LRRC37B: variants seen among roughly 807,000 people sequenced by gnomAD.
The protein encoded by LRRC37B is leucine-rich repeat-containing protein 37B.
In LRRC37B, 28 loss-of-function variants were observed where a neutral mutation model predicts 98.3. The ratio of observed to expected loss-of-function variants is 0.28; its 90% CI spans 0.21 to 0.39. The LOEUF (loss-of-function observed/expected upper bound fraction) is 0.39, where lower values mean the gene tolerates loss of function less well. LRRC37B is among the 10% of genes least tolerant of loss of function. The probability of loss-of-function intolerance (pLI) is 1.00; values close to 1 mark genes in which losing one functional copy is unlikely to be tolerated. For missense variants in LRRC37B, 938 were observed against 1,182.7 expected (o/e 0.79, Z 3.03); for synonymous variants, 364 against 442.7 (o/e 0.82, Z 2.23).
upstream of LRRC37B, among the ~76,000 whole-genome samples, chr17:32,018,571 AG>A (rs1281289402): frequency 6.6e-6 from 1 of 152,154 alleles, no homozygotes; most frequent in Non-Finnish European, 1.5e-5. Context: ...TTGTGGACAC[AG>A]GAGAGGGGTT....
Position 32,040,862 on chromosome 17 carries a change from G to A in LRRC37B, c.2205-4838G>A, listed in dbSNP as rs553963518. The A allele has an allele frequency of 2.2e-4, 183 of 833,218 alleles. No individual in the cohort carries two copies. In the African/African-American group the frequency reaches 2.3e-3, roughly 10 times the overall value. 51.6% of individuals were successfully genotyped at this position (833,218 alleles called of 1,614,324 possible). ...ACTTCATTGACCTCCTCCAGAACCT[G>A]TGTGAGAAAGACCTGAAGGGGATCC... On this transcript the variant is annotated intron_variant, in intron 7 of 11. Transcript: ENST00000327564.
chr17:32,026,337 A>G (rs1293744689), intron 2 of LRRC37B, among the ~76,000 whole-genome samples: 1 of 152,218 alleles, frequency 6.6e-6, no homozygotes, highest in Non-Finnish European at 1.5e-5. Flanking sequence ...CAATATGGTG[A>G]AACCCCATCT....
At chr17:32,020,898 G>A (rs1300590302), upstream of LRRC37B, 19 of 1,365,798 alleles carry the variant, frequency 1.4e-5, no homozygotes, top group Middle Eastern at 5.3e-4. Context: ...CCCGGTCTGC[G>A]GCCCAAATCC....
At chr17:32,050,346 A>C (rs1911717934) in intron 11 of LRRC37B, 1 of 338,336 alleles carries the variant, frequency 3.0e-6, no homozygotes. Flanking sequence ...TATTTTAAGA[A>C]GTTAAGTTGA....
chr17:32,021,419 TG>T lies in LRRC37B; in HGVS notation c.355del (p.Glu119LysfsTer7). The T allele has an allele frequency of 6.2e-7, 1 of 1,613,718 alleles. No homozygotes were observed. The highest frequency in any genetic ancestry group is 8.5e-7 in the Non-Finnish European group (1 of 1,179,824). On this transcript the variant is annotated frameshift_variant, in exon 1 of 12. Transcript: ENST00000327564. LOFTEE classifies it high-confidence loss of function. ...TGTCAGCCCTGCCTCAGGAACCAAC[TG>T]AAAATTTGGCTCCATTCCTGAAGGA...
At chr17:32,024,292 G>A (rs1910882788) in intron 1 of LRRC37B, among the ~76,000 whole-genome samples, 1 of 152,248 alleles carries the variant, frequency 6.6e-6, no homozygotes, top group African/African-American at 2.4e-5. Context: ...AGAGGGCAAA[G>A]CTTTGGTGTT....
upstream of LRRC37B, chr17:32,020,821 G>A (rs891190297): frequency 4.0e-6 from 3 of 750,346 alleles, no homozygotes; most frequent in Non-Finnish European, 5.9e-6. Flanking sequence ...GACTTCCTTG[G>A]GAAGCTCTGC....
intron 11 of LRRC37B, chr17:32,052,373 C>T (rs1181953976): frequency 6.6e-6 from 1 of 152,088 alleles, no homozygotes; most frequent in Non-Finnish European, 1.5e-5. Context: ...CAAGATCTTG[C>T]TATGTTGCCC....
intron 1 of LRRC37B, among the ~76,000 whole-genome samples, chr17:32,023,109 C>T (rs1910849102): frequency 6.6e-6 from 1 of 150,520 alleles, no homozygotes; most frequent in Admixed American, 6.7e-5. Context: ...CTCCTATTTT[C>T]GCTTCACCCT....
chr17:32,020,519 C>G (rs556185934), upstream of LRRC37B, among the ~76,000 whole-genome samples: 1 of 152,284 alleles, frequency 6.6e-6, no homozygotes, highest in African/African-American at 2.4e-5. Context: ...ATTGCCCACC[C>G]CCAACACCCC....
chr17:32,011,934 A>G (rs1317482229), intron 1 of LRRC37B, among the ~76,000 whole-genome samples: 1 of 152,184 alleles, frequency 6.6e-6, no homozygotes, highest in Non-Finnish European at 1.5e-5. Context: ...CGTATTGTTT[A>G]ATTTTCAAAC....
chr17:32,021,151 C>T lies in LRRC37B; in HGVS notation c.86C>T (p.Ser29Phe), dbSNP rs764579729. The change falls in exon 1 of 12, where the codon TCT (serine) becomes TTT (phenylalanine). Residue 29 changes from serine to phenylalanine, a missense_variant. This residue lies in a region of LRRC37B where 610 missense variants were observed against 625.6 expected (regional missense o/e 0.98). Transcript: ENST00000327564. The stretch of plus-strand genomic sequence containing the variant: ...TGCATAGCACCAGCGTGTGTCATGT[C>T]TTGGCTGCGTTTCTGGGGCCCATGG... The T allele has an allele frequency of 5.6e-6, 9 of 1,613,870 alleles. No individual in the cohort carries two copies. The South Asian group carries it at 6.6e-5, about 12-fold the overall frequency.
In LRRC37B at chr17:32,035,608, A is replaced by T. The variant is rs758806254; in HGVS notation, c.2173A>T (p.Ile725Phe). ...CATCACACTTACAACACTTAAGAACATTCTCACGATGACTGTTGAACTGGA... is the reference window on the plus strand; with the variant it reads ...CATCACACTTACAACACTTAAGAACTTTCTCACGATGACTGTTGAACTGGA... The change falls in exon 7 of 12, where the codon ATT becomes TTT. Residue 725 changes from isoleucine (I) to phenylalanine (F), a missense_variant. Ile to Phe is a conservative substitution (Grantham distance 21). Coordinates refer to ENST00000327564, the Ensembl canonical transcript of LRRC37B. The T allele has an allele frequency of 8.7e-6, 14 of 1,611,950 alleles. No homozygotes were observed. Among genetic ancestry groups the T allele is most frequent in the Non-Finnish European group, 1.2e-5 (14 of 1,178,982 alleles).
At position 32,008,201 on chromosome 17, in the gene LRRC37B, T is replaced by C. The variant is rs59722712; in HGVS notation, c.-191+69T>C. On this transcript the variant is annotated intron_variant, in intron 1 of 14. Transcript: ENST00000543378. ...TCTCCCCTCCCCCCTTGCTCACTTA[T>C]GTGCTGTGCATCCCGCTCCGATCTC... is the stretch of plus-strand genomic sequence containing the variant. The C allele has an allele frequency of 5.8e-3, 1,183 of 203,574 alleles. 13 individuals carry two copies. The highest frequency in any genetic ancestry group is 0.026 in the African/African-American group (1,123 of 42,390). 12.6% of individuals were successfully genotyped at this position (203,574 alleles called of 1,614,324 possible).
rs538784522 is a variant in LRRC37B at position 32,038,295 on chromosome 17, C to T, written c.2204+2656C>T. 5.3e-5 allele frequency among the ~76,000 whole-genome samples: 8 copies of T among 152,008 alleles called. No homozygotes were observed. The South Asian group carries it at 6.2e-4, about 12-fold the overall frequency. ...GCAATATGGTGAAACCTTGTCTCTA[C>T]CAAAAACATAAAAATTAGGCAGGTG... On this transcript the variant is annotated intron_variant, in intron 7 of 11. Transcript: ENST00000327564.
chr17:32,034,256 C>G (rs1263436709), intron 5 of LRRC37B, among the ~76,000 whole-genome samples: 1 of 152,060 alleles, frequency 6.6e-6, no homozygotes, highest in African/African-American at 2.4e-5. Context: ...AATCCTAACA[C>G]TTTGGTAGGC....
At chr17:32,007,917 G>A (rs530234824), upstream of LRRC37B, 203 of 684,360 alleles carry the variant, frequency 3.0e-4, no homozygotes, top group African/African-American at 3.6e-3. The surrounding 1 kb of genome is among the most constrained non-coding windows in gnomAD (Gnocchi z 4.1). Context: ...ACCGCAGCCC[G>A]GAGGGCTGTC....
intron 7 of LRRC37B, among the ~76,000 whole-genome samples, chr17:32,038,257 T>C (rs1406647243): frequency 6.6e-6 from 1 of 151,940 alleles, no homozygotes; most frequent in East Asian, 1.9e-4. Flanking sequence ...GCCAGGAGTT[T>C]TAGACCACCT....
chr17:32,010,334 G>C (rs1910499098), intron 1 of LRRC37B, among the ~76,000 whole-genome samples: 1 of 152,152 alleles, frequency 6.6e-6, no homozygotes, highest in African/African-American at 2.4e-5. Context: ...ACTGCAGTTT[G>C]AATTTCACAT....
Sources: gnomAD v4.1 joint callset for allele counts (sites outside exome capture counted in the v4.1 genomes callset) on GRCh38, gnomAD v4.1.1 for gene constraint, gnomAD v4.1.1 regional missense constraint, Gnocchi (gnomAD v3.1) non-coding constraint, MANE v1.5 for transcripts, NCBI Gene and HGNC (gene_info 2026-07-23, HGNC 2026-07-21) for gene names.